The following RSF1 variants were observed in gnomAD, a reference collection of about 807,000 sequenced individuals.
RSF1 encodes HBV pX-associated protein 8.
In RSF1, 13 loss-of-function variants were observed where a neutral mutation model predicts 145.2. That is an observed-to-expected ratio of 0.09 (90% CI 0.06 to 0.14). The LOEUF (loss-of-function observed/expected upper bound fraction) is 0.14. Ranked by LOEUF, RSF1 falls within the 10% of genes least tolerant of loss-of-function variation. The probability of loss-of-function intolerance (pLI) is 1.00; values close to 1 mark genes in which losing one functional copy is unlikely to be tolerated. For missense variants in RSF1, 1,517 were observed against 1,718.2 expected (o/e 0.88, Z 2.07); for synonymous variants, 577 against 592.6 (o/e 0.97, Z 0.38).
At chr11:77,712,244 G>A (rs1960704292) in intron 5 of RSF1, among the ~76,000 whole-genome samples, 1 of 152,174 alleles carries the variant, frequency 6.6e-6, no homozygotes, top group Admixed American at 6.5e-5. Context: ...AGTCTCAGGA[G>A]ATGTGATGGT....
At chr11:77,751,557 G>A (rs1948064062) in intron 2 of RSF1, among the ~76,000 whole-genome samples, 1 of 152,208 alleles carries the variant, frequency 6.6e-6, no homozygotes. Context: ...CCATTCCTTT[G>A]AAATATAACC....
At chr11:77,779,091 G>GCAC (rs1948377124) in intron 1 of RSF1, among the ~76,000 whole-genome samples, 1 of 151,930 alleles carries the variant, frequency 6.6e-6, no homozygotes, top group African/African-American at 2.4e-5. Flanking sequence ...TTACAGACAT[G>GCAC]CACCACCATG....
At chr11:77,764,453 C>T (rs927181247) in intron 2 of RSF1, 145 bp downstream of exon 2, 4 of 581,950 alleles carry the variant, frequency 6.9e-6, no homozygotes, top group Non-Finnish European at 1.2e-5. Flanking sequence ...AAGAGAATCA[C>T]ATACTTGCAG....
At chr11:77,708,582 C>T (rs1171602818) in intron 5 of RSF1, among the ~76,000 whole-genome samples, 1 of 152,180 alleles carries the variant, frequency 6.6e-6, no homozygotes, top group Non-Finnish European at 1.5e-5. Flanking sequence ...TGAGCTCTCA[C>T]TAGCTGTAGT....
chr11:77,667,525 G>A (rs760664410), intron 15 of RSF1, 34 bp from the exon 16 acceptor site: 41 of 1,552,274 alleles, frequency 2.6e-5, no homozygotes, highest in Admixed American at 2.5e-4. Flanking sequence ...CCATTGGCAC[G>A]GTTAACCATA....
chr11:77,733,645 T>C (rs1314447288), intron 4 of RSF1, among the ~76,000 whole-genome samples: 3 of 150,144 alleles, frequency 2.0e-5, no homozygotes, highest in East Asian at 3.9e-4. Context: ...CACTGCAGCC[T>C]CAAGCTCCTG....
At chr11:77,848,270 G>A in the RSF1 span, among the ~76,000 whole-genome samples, 1 of 152,202 alleles carries the variant, frequency 6.6e-6, no homozygotes, top group East Asian at 1.9e-4. Flanking sequence ...TTCCACACTT[G>A]AGAGATCCAT....
intron 4 of RSF1, among the ~76,000 whole-genome samples, chr11:77,728,892 T>C (rs1358468067): frequency 1.3e-5 from 2 of 151,854 alleles, no homozygotes; most frequent in African/African-American, 4.8e-5. Flanking sequence ...CTCAATTATA[T>C]ATATTTTACA....
chr11:77,781,699 A>C (rs1948406410), intron 1 of RSF1, among the ~76,000 whole-genome samples: 1 of 152,198 alleles, frequency 6.6e-6, no homozygotes, highest in Non-Finnish European at 1.5e-5. Flanking sequence ...AATATCATTT[A>C]TTGACAATAT....
At chr11:77,744,860 C>T (rs1452221664) in intron 3 of RSF1, among the ~76,000 whole-genome samples, 1 of 152,140 alleles carries the variant, frequency 6.6e-6, no homozygotes, top group Non-Finnish European at 1.5e-5. Flanking sequence ...TTTTAGAAGA[C>T]ATTGAGAAGG....
chr11:77,727,609 T>TTCCTGTAATCCCGA (rs1961089843), intron 4 of RSF1, among the ~76,000 whole-genome samples: 1 of 151,644 alleles, frequency 6.6e-6, no homozygotes, highest in African/African-American at 2.4e-5. Flanking sequence ...CCCGAGTAGC[T>TTCCTGTAATCCCGA]GGGATTACAG....
intron 2 of RSF1, among the ~76,000 whole-genome samples, chr11:77,750,154 T>A (rs1948046859): frequency 6.6e-6 from 1 of 151,770 alleles, no homozygotes; most frequent in Non-Finnish European, 1.5e-5. Flanking sequence ...AACCTACTGT[T>A]ACCACAAAAT....
intron 5 of RSF1, among the ~76,000 whole-genome samples, chr11:77,723,515 T>C (rs1277280023): frequency 6.6e-6 from 1 of 152,154 alleles, no homozygotes; most frequent in Non-Finnish European, 1.5e-5. Context: ...AATTTTAACA[T>C]ATGAAAAATA....
the RSF1 span, among the ~76,000 whole-genome samples, chr11:77,861,525 C>T: frequency 6.6e-6 from 1 of 152,186 alleles, no homozygotes; most frequent in Non-Finnish European, 1.5e-5. Context: ...CCCTGGGCAC[C>T]CTCAGTCCTG....
rs1427241049 is a variant in RSF1, at chr11:77,733,510, A to G, written c.578+7221T>C. The stretch of plus-strand genomic sequence containing the variant: ...TGGTCTTTATTTGCTAAAATTCTCT[A>G]ATCATTAATAACCAAACACTACCAC... On this transcript the variant is annotated intron_variant, in intron 4 of 15. Transcript: ENST00000308488. Among the ~76,000 whole-genome samples, 3 of 151,666 alleles carry G rather than the reference A, an allele frequency of 2.0e-5. No homozygotes were observed. In the East Asian group the frequency reaches 5.8e-4, roughly 29 times the overall value.
At chr11:77,800,962 A>T (rs1165161640) in intron 1 of RSF1, among the ~76,000 whole-genome samples, 1 of 151,998 alleles carries the variant, frequency 6.6e-6, no homozygotes, top group Admixed American at 6.6e-5. Flanking sequence ...CCATAATCGC[A>T]CTATCGCACT....
Position 77,740,842 on chromosome 11 carries a change from C to T in RSF1, c.467G>A (p.Arg156Gln), listed in dbSNP as rs1360973486. The T allele has an allele frequency of 1.2e-6, 2 of 1,613,972 alleles. No individual in the cohort carries two copies. The highest frequency in any genetic ancestry group is 1.1e-5 in the South Asian group (1 of 91,072). The change falls in exon 4 of 16, where the codon CGA (arginine) becomes CAA (glutamine). Residue 156 changes from arginine (R) to glutamine (Q), a missense_variant. Around this residue, in one of 12 missense-constraint regions of RSF1, gnomAD observed 94 missense variants for 143.6 expected, o/e 0.65. Coordinates refer to ENST00000308488, the MANE Select transcript of RSF1 (RefSeq NM_016578.4). ...CCAGTACATGAGGCCATCTTTGTCT[C>T]GACCAATTGGCTGGAGACGCATAGT... ...ADTMRLQPIG[R>Q]DKDGLMYWYQ...
At chr11:77,678,401 G>A (rs1490616606) in intron 11 of RSF1, among the ~76,000 whole-genome samples, 1 of 152,026 alleles carries the variant, frequency 6.6e-6, no homozygotes, top group Non-Finnish European at 1.5e-5. Context: ...ACTTTTAGTA[G>A]AGACAGGGTT....
chr11:77,788,579 C>T (rs1215868599), intron 1 of RSF1, among the ~76,000 whole-genome samples: 2 of 149,880 alleles, frequency 1.3e-5, no homozygotes, highest in Non-Finnish European at 3.0e-5. Context: ...AAAAAAACTG[C>T]CTTAGTCTAG....
Sources: gnomAD v4.1 joint callset for allele counts (sites outside exome capture counted in the v4.1 genomes callset) on GRCh38, gnomAD v4.1.1 for gene constraint, gnomAD v4.1.1 regional missense constraint, MANE v1.5 for transcripts, NCBI Gene and HGNC (gene_info 2026-07-23, HGNC 2026-07-21) for gene names.